NTNG1: variants seen among roughly 807,000 people sequenced by gnomAD.
The protein encoded by NTNG1 is netrin-G1.
In NTNG1, 16 loss-of-function variants were observed where a neutral mutation model predicts 54.0. The observed-to-expected ratio is 0.30, with a 90% confidence interval of 0.20 to 0.45. NTNG1 has a LOEUF of 0.45. Among genes scored for constraint, NTNG1 ranks in the 20% least tolerant of loss-of-function variants. NTNG1 has a pLI of 1.00. For missense variants in NTNG1, 530 were observed against 678.7 expected (o/e 0.78, Z 2.43); for synonymous variants, 255 against 263.1 (o/e 0.97, Z 0.30).
At chr1:107,275,431 T>C (rs1334569458) in intron 2 of NTNG1, among the ~76,000 whole-genome samples, 9 of 152,050 alleles carry the variant, frequency 5.9e-5, no homozygotes, top group Non-Finnish European at 1.3e-4. Context: ...TTATGAGGAA[T>C]TGGCTCATAC....
At chr1:107,343,504 C>T (rs971596830) in intron 3 of NTNG1, among the ~76,000 whole-genome samples, 1 of 146,718 alleles carries the variant, frequency 6.8e-6, no homozygotes, top group African/African-American at 2.5e-5. Context: ...CTTGACCCTA[C>T]TTTTTTTTTT....
intron 3 of NTNG1, among the ~76,000 whole-genome samples, chr1:107,361,372 T>TACAC (rs1289276641): frequency 3.1e-4 from 20 of 63,766 alleles, no homozygotes; most frequent in Non-Finnish European, 5.3e-4. Flanking sequence ...TATATATATA[T>TACAC]ACATATATAT....
chr1:107,262,926 C>T (rs1663452250), intron 2 of NTNG1, among the ~76,000 whole-genome samples: 1 of 152,120 alleles, frequency 6.6e-6, no homozygotes, highest in South Asian at 2.1e-4. Context: ...AGATGAACCA[C>T]CATAGTGATG....
intron 2 of NTNG1, among the ~76,000 whole-genome samples, chr1:107,164,422 T>C (rs1655624367): frequency 6.6e-6 from 1 of 152,230 alleles, no homozygotes; most frequent in Non-Finnish European, 1.5e-5. Flanking sequence ...CATTGGGTGA[T>C]AAAAGTAACA....
chr1:107,285,577 T>A (rs1463468611), intron 2 of NTNG1, among the ~76,000 whole-genome samples: 1 of 152,142 alleles, frequency 6.6e-6, no homozygotes, highest in Non-Finnish European at 1.5e-5. Flanking sequence ...AAAATAGTGT[T>A]TCTGCATACA....
chr1:107,149,305 A>G (rs918644098), intron 2 of NTNG1, among the ~76,000 whole-genome samples: 1 of 152,202 alleles, frequency 6.6e-6, no homozygotes, highest in Non-Finnish European at 1.5e-5. Context: ...AATTATGTTC[A>G]TCAGGAAGCT....
intron 2 of NTNG1, among the ~76,000 whole-genome samples, chr1:107,245,274 C>A (rs1257828226): frequency 1.3e-5 from 2 of 152,168 alleles, no homozygotes; most frequent in Non-Finnish European, 2.9e-5. Flanking sequence ...GCTTGAAAAA[C>A]CTTGAGCAAA....
chr1:107,228,633 A>G (rs751323627), intron 2 of NTNG1, among the ~76,000 whole-genome samples: 14 of 152,214 alleles, frequency 9.2e-5, no homozygotes, highest in Non-Finnish European at 1.8e-4. Flanking sequence ...TAACTTTACA[A>G]TAAATTCATT....
At chr1:107,184,330 G>A (rs1657292089) in intron 2 of NTNG1, among the ~76,000 whole-genome samples, 1 of 152,130 alleles carries the variant, frequency 6.6e-6, no homozygotes, top group South Asian at 2.1e-4. Flanking sequence ...GAGACACACA[G>A]CAGTCACTGT....
At chr1:107,334,942 G>A (rs1437960087) in intron 3 of NTNG1, among the ~76,000 whole-genome samples, 1 of 151,942 alleles carries the variant, frequency 6.6e-6, no homozygotes, top group African/African-American at 2.4e-5. Context: ...CAAGAGAATT[G>A]GAGCTTAGCC....
intron 2 of NTNG1, among the ~76,000 whole-genome samples, chr1:107,205,937 G>A (rs1659158057): frequency 6.6e-6 from 1 of 152,136 alleles, no homozygotes; most frequent in East Asian, 1.9e-4. Context: ...GACTTGTTGG[G>A]TTTAATGTTA....
chr1:107,430,866 G>A lies in NTNG1; in HGVS notation c.1204G>A (p.Gly402Ser). ...RGQHCELCRLGYFRNASAQLD... is the reference protein window; with the variant it reads ...RGQHCELCRLSYFRNASAQLD... ...GCAGCACTGTGAGTTATGCAGGCTG[G>A]GCTACTTCAGAAATGCTTCTGCACA... The change falls in exon 6 of 8, where the codon GGC becomes AGC. Residue 402 changes from glycine to serine, a missense_variant. Coordinates refer to ENST00000370068, the MANE Select transcript of NTNG1 (RefSeq NM_001113226.3). 1 of 1,613,158 alleles carries A rather than the reference G, an allele frequency of 6.2e-7. No homozygotes were observed. The highest frequency in any genetic ancestry group is 2.2e-5 in the East Asian group (1 of 44,758).
At chr1:107,387,347 G>T (rs1459391204) in intron 3 of NTNG1, among the ~76,000 whole-genome samples, 1 of 152,178 alleles carries the variant, frequency 6.6e-6, no homozygotes. Flanking sequence ...GCTTGCATAA[G>T]CCTCAGCCAT....
chr1:107,287,782 A>T (rs1665293044), intron 2 of NTNG1, among the ~76,000 whole-genome samples: 1 of 152,186 alleles, frequency 6.6e-6, no homozygotes, highest in African/African-American at 2.4e-5. Flanking sequence ...CTTTGCCATT[A>T]GTTGAGCTCT....
At chr1:107,412,442 G>T (rs1051741946) in intron 5 of NTNG1, among the ~76,000 whole-genome samples, 3 of 152,188 alleles carry the variant, frequency 2.0e-5, no homozygotes, top group African/African-American at 7.2e-5. Context: ...GCCCAATGCA[G>T]TACAACCAGG....
rs371146111 is a variant in NTNG1, at chr1:107,391,981, G to T, written c.888-3173G>T. On this transcript the variant is annotated intron_variant, in intron 3 of 7. Coordinates refer to ENST00000370068, the MANE Select transcript of NTNG1 (RefSeq NM_001113226.3). ...TTAGATGTGGTAGGAAAAGGAGAGGGATACATCATTCTTGCCTAACTGGGT... is the reference window on the plus strand; with the variant it reads ...TTAGATGTGGTAGGAAAAGGAGAGGTATACATCATTCTTGCCTAACTGGGT... Among the ~76,000 whole-genome samples, 33 of 152,308 alleles carry T rather than the reference G, an allele frequency of 2.2e-4. No individual in the cohort carries two copies. In the East Asian group the frequency reaches 5.8e-3, roughly 27 times the overall value.
Position 107,407,886 on chromosome 1 carries a change from G to A in NTNG1, c.1087+178G>A, listed in dbSNP as rs2819981. ...CAGATCTGGTGAGAACACAGATAAA[G>A]TGATTATTTGTGCATAACTCCATGA... On this transcript the variant is annotated intron_variant, in intron 5 of 7. Transcript: ENST00000370068. 3,651 of 748,900 alleles carry A rather than the reference G, an allele frequency of 4.9e-3. 55 individuals are homozygous for A. The highest frequency in any genetic ancestry group is 0.027 in the African/African-American group (1,576 of 58,778). 46.4% of individuals were successfully genotyped at this position (748,900 alleles called of 1,614,324 possible). A position where few individuals can be genotyped will look rare whatever the true frequency, so the allele number is the denominator to read the frequency against.
At chr1:107,464,168 A>C (rs1571018493) in intron 7 of NTNG1, among the ~76,000 whole-genome samples, 1 of 152,172 alleles carries the variant, frequency 6.6e-6, no homozygotes, top group African/African-American at 2.4e-5. Flanking sequence ...CATCTTGTGA[A>C]TCTTTTCTTT....
At chr1:107,376,914 A>G (rs6674871) in intron 3 of NTNG1, among the ~76,000 whole-genome samples, 2,312 of 152,262 alleles carry the variant, frequency 0.015, 44 homozygotes, top group African/African-American at 0.053. Flanking sequence ...CTCTTCTCAA[A>G]TGAAGATCAC....
Sources: allele counts gnomAD v4.1 joint callset (sites outside exome capture counted in the v4.1 genomes callset), GRCh38; gene constraint gnomAD v4.1.1; transcripts MANE v1.5; gene names NCBI Gene and HGNC (gene_info 2026-07-23, HGNC 2026-07-21).